Variants in ACSM5 observed in about 807,000 individuals in gnomAD.
ACSM5 encodes the protein acyl-coenzyme A synthetase ACSM5, mitochondrial.
In ACSM5, 56 loss-of-function variants were observed where a neutral mutation model predicts 71.6. The ratio of observed to expected loss-of-function variants is 0.78; its 90% confidence interval spans 0.63 to 0.98. The LOEUF (loss-of-function observed/expected upper bound fraction) is 0.98. Ranked by LOEUF, ACSM5 falls within the 50% of genes least tolerant of loss-of-function variation. ACSM5 has a pLI of 0.00. For missense variants in ACSM5, 723 were observed against 726.0 expected (o/e 1.00, Z 0.05); for synonymous variants, 285 against 281.5 (o/e 1.01, Z -0.12).
intron 5 of ACSM5, among the ~76,000 whole-genome samples, chr16:20,422,765 G>A (rs189739029): frequency 1.2e-4 from 19 of 152,316 alleles, no homozygotes; most frequent in Non-Finnish European, 2.5e-4. Flanking sequence ...CCGGGGAGCA[G>A]TAGTGGGAGA....
intron 2 of ACSM5, chr16:20,412,355 A>C (rs916423130): frequency 6.6e-6 from 1 of 152,270 alleles, no homozygotes; most frequent in African/African-American, 2.4e-5. Flanking sequence ...TCCACCTCAA[A>C]AAATAAAATA....
chr16:20,422,442 T>C (rs1375170874), intron 5 of ACSM5, among the ~76,000 whole-genome samples: 1 of 152,194 alleles, frequency 6.6e-6, no homozygotes, highest in Non-Finnish European at 1.5e-5. Flanking sequence ...ATTCACCTGT[T>C]GATAGACACT....
At chr16:20,410,739 A>T (rs903042767) in intron 1 of ACSM5, among the ~76,000 whole-genome samples, 1 of 152,068 alleles carries the variant, frequency 6.6e-6, no homozygotes, top group African/African-American at 2.4e-5. Context: ...AACAACAATA[A>T]TAAAAATTTT....
At chr16:20,409,747 A>C (rs1299319689) in intron 1 of ACSM5, 82 bp downstream of exon 1, 2 of 152,106 alleles carry the variant, frequency 1.3e-5, no homozygotes, top group African/African-American at 4.8e-5. Context: ...GTGACATCTG[A>C]AATGGTGTCG....
At chr16:20,428,303 TGTG>T (rs1464525679) in intron 7 of ACSM5, among the ~76,000 whole-genome samples, 1 of 152,078 alleles carries the variant, frequency 6.6e-6, no homozygotes, top group African/African-American at 2.4e-5. Context: ...GGCCCTCAGG[TGTG>T]GTGAAACTAA....
chr16:20,439,480 A>G (rs1967270727), intron 12 of ACSM5, among the ~76,000 whole-genome samples: 1 of 151,714 alleles, frequency 6.6e-6, no homozygotes, highest in Admixed American at 6.6e-5. Context: ...GAGTTTATGA[A>G]CCTCTTTTCT....
intron 2 of ACSM5, among the ~76,000 whole-genome samples, chr16:20,412,539 A>G (rs1386748055): frequency 2.0e-5 from 3 of 152,036 alleles, no homozygotes; most frequent in Non-Finnish European, 4.4e-5. Flanking sequence ...GGGTCTCTCT[A>G]TTTCATGGTT....
intron 6 of ACSM5, among the ~76,000 whole-genome samples, chr16:20,426,651 G>A (rs1456767769): frequency 6.6e-6 from 1 of 152,228 alleles, no homozygotes; most frequent in Non-Finnish European, 1.5e-5. Flanking sequence ...AAACATGCCA[G>A]TCATACAAGG....
chr16:20,436,020 ATTCTTTC>A (rs1967187216), intron 10 of ACSM5, among the ~76,000 whole-genome samples: 2 of 72,102 alleles, frequency 2.8e-5, no homozygotes, highest in African/African-American at 1.0e-4. Flanking sequence ...TTTTTTCTTC[ATTCTTTC>A]TTTCTTTTTC....
rs1275195181 is a variant in ACSM5 at position 20,438,954 on chromosome 16, TAAA to T, written c.1537-824_1537-822del. Among the ~76,000 whole-genome samples the T allele has an allele frequency of 3.5e-3, 328 of 92,656 alleles. 2 individuals are homozygous for T. Among genetic ancestry groups the T allele is most frequent in the African/African-American group, 0.011 (252 of 22,168 alleles). The allele number at this position is 92,656 out of a possible 152,430, so 60.8% of individuals were successfully genotyped here. ...TGGGCGACAGGGTGAGACTCTGTCT[TAAA>T]AAAAAAAAAAAAAAAAAAAAAGTGT... On this transcript the variant is annotated intron_variant, in intron 12 of 13. Transcript: ENST00000331849.
chr16:20,429,375 T>TATCA (rs59874955), intron 7 of ACSM5, among the ~76,000 whole-genome samples: 72,240 of 150,976 alleles, frequency 0.48, 19,185 homozygotes, highest in East Asian at 0.77. Flanking sequence ...ACCAATTTAT[T>TATCA]ATCAGTTTTT....
At chr16:20,412,007 C>T (rs1473519964) in intron 2 of ACSM5, 1 of 356,022 alleles carries the variant, frequency 2.8e-6, no homozygotes, top group Non-Finnish European at 5.4e-6. Context: ...TGCTGCTACT[C>T]TGTCTTTGAT....
At chr16:20,424,844 T>C (rs1190796971) in intron 6 of ACSM5, among the ~76,000 whole-genome samples, 2 of 152,234 alleles carry the variant, frequency 1.3e-5, no homozygotes, top group Admixed American at 1.3e-4. Context: ...AGGTTCTTTT[T>C]TGAAATAATT....
rs375640397 is a variant in ACSM5 at position 20,411,547 on chromosome 16, G to A, written c.63G>A (p.Gly21=). 3.7e-5 allele frequency: 60 copies of A among 1,614,186 alleles called. No homozygotes were observed. The highest frequency in any genetic ancestry group is 6.7e-5 in the African/African-American group (5 of 75,052). Residue 21 remains glycine (G), a synonymous_variant, in exon 2 of 14, where the codon GGG becomes GGA. Coordinates refer to ENST00000331849, the MANE Select transcript of ACSM5 (RefSeq NM_017888.3). ...QALRNSRAFC[G]SHGKPAPLPV... Reference sequence around the variant, plus strand: ...TGAGGAACTCCAGGGCATTCTGTGGGTCTCATGGGAAGCCAGCACCTCTAC... The same window carrying A: ...TGAGGAACTCCAGGGCATTCTGTGGATCTCATGGGAAGCCAGCACCTCTAC...
intron 5 of ACSM5, among the ~76,000 whole-genome samples, chr16:20,421,699 A>G (rs1203047892): frequency 3.3e-5 from 5 of 149,962 alleles, no homozygotes; most frequent in Non-Finnish European, 5.9e-5. Flanking sequence ...ATAAACATAT[A>G]TATACATATA....
rs145689236 is a variant in ACSM5, at chr16:20,427,840, G to A, written c.974G>A (p.Arg325Gln). The stretch of plus-strand genomic sequence containing the variant: ...CTCTGCTGTGTCCCAACCATCTTTC[G>A]GCTGCTTGTGCAGGAGGATCTGACC... ...TTLCCVPTIF[R>Q]LLVQEDLTRY... The change falls in exon 7 of 14, where the codon CGG becomes CAG. Residue 325 changes from arginine to glutamine, a missense_variant. Physicochemically the swap from Arg to Gln is conservative, Grantham distance 43. Transcript: ENST00000331849. The A allele has an allele frequency of 2.9e-3, 4,750 of 1,613,752 alleles. 15 individuals are homozygous for A. Among genetic ancestry groups the A allele is most frequent in the Middle Eastern group, 7.8e-3 (47 of 6,060 alleles).
At chr16:20,438,240 A>G (rs1226879857) in intron 12 of ACSM5, among the ~76,000 whole-genome samples, 3 of 152,012 alleles carry the variant, frequency 2.0e-5, no homozygotes, top group Non-Finnish European at 4.4e-5. Context: ...CTAAAGCACA[A>G]CAGTTACCTT....
chr16:20,425,060 T>A (rs1966951956), intron 6 of ACSM5, among the ~76,000 whole-genome samples: 1 of 152,260 alleles, frequency 6.6e-6, no homozygotes, highest in Admixed American at 6.5e-5. Context: ...ATAGTCACCC[T>A]GATGTGCTTT....
Position 20,411,547 on chromosome 16 carries a change from G to T in ACSM5, c.63G>T (p.Gly21=). The change falls in exon 2 of 14, where the codon GGG becomes GGT. Residue 21 remains glycine, a synonymous_variant. Transcript: ENST00000331849. The stretch of plus-strand genomic sequence containing the variant: ...TGAGGAACTCCAGGGCATTCTGTGG[G>T]TCTCATGGGAAGCCAGCACCTCTAC... ...QALRNSRAFC[G]SHGKPAPLPV... is the part of the protein sequence containing the mutation. 6.2e-7 allele frequency: 1 copy of T among 1,614,186 alleles called. No homozygotes were observed. Among genetic ancestry groups the T allele is most frequent in the South Asian group, 1.1e-5 (1 of 91,072 alleles).
Sources: allele counts gnomAD v4.1 joint callset (sites outside exome capture counted in the v4.1 genomes callset), GRCh38; gene constraint gnomAD v4.1.1; transcripts MANE v1.5; gene names NCBI Gene and HGNC (gene_info 2026-07-23, HGNC 2026-07-21).